The following WDR5 variants were observed in gnomAD, a reference collection of about 807,000 sequenced individuals.
The protein encoded by WDR5 is WD repeat-containing protein 5.
For missense variants in WDR5, 187 were observed against 416.9 expected (o/e 0.45, Z 4.80); for synonymous variants, 144 against 161.6 (o/e 0.89, Z 0.83).
chr9:134,153,285 G>T lies in WDR5; in HGVS notation c.632-1181G>T, dbSNP rs1832585385. Among the ~76,000 whole-genome samples the T allele has an allele frequency of 1.3e-5, 2 of 152,238 alleles. 1 individual carries two copies. The highest frequency in any genetic ancestry group is 4.1e-4 in the South Asian group (2 of 4,838). On this transcript the variant is annotated intron_variant, in intron 9 of 13. Coordinates refer to ENST00000358625, the MANE Select transcript of WDR5 (RefSeq NM_017588.3). ...GCCCAAAGCTCCACAGCAAGCAGGT[G>T]CAGGGACTGGGATTCCAGCCTGGGC... is the stretch of plus-strand genomic sequence containing the variant.
chr9:134,153,735 G>A (rs542220635), intron 9 of WDR5, among the ~76,000 whole-genome samples: 11 of 151,706 alleles, frequency 7.3e-5, no homozygotes, highest in East Asian at 1.9e-4. Flanking sequence ...GCGCGTGCAC[G>A]TGCTTGGGGG....
intron 7 of WDR5, among the ~76,000 whole-genome samples, chr9:134,143,306 C>T (rs1416680636): frequency 3.3e-5 from 5 of 152,102 alleles, no homozygotes; most frequent in Admixed American, 6.5e-5. Context: ...TTTGGGAGGC[C>T]GAGGCGGGTG....
intron 13 of WDR5, 54 bp downstream of exon 13, chr9:134,156,647 C>T (rs933611730): frequency 3.2e-6 from 5 of 1,579,230 alleles, no homozygotes; most frequent in Non-Finnish European, 4.3e-6. Flanking sequence ...GAGGACAGTT[C>T]CTGCAGGTGA....
Position 134,148,549 on chromosome 9 carries a change from C to T in WDR5, c.584+206C>T, listed in dbSNP as rs567147827. On this transcript the variant is annotated intron_variant, in intron 8 of 13. Coordinates refer to ENST00000358625, the MANE Select transcript of WDR5 (RefSeq NM_017588.3). Reference sequence around the variant, plus strand: ...CAGCACAGGTGGTGGGGCGGCATGCCTGGGAAGATGTCCTTGTTGTTAGGG... The same window carrying T: ...CAGCACAGGTGGTGGGGCGGCATGCTTGGGAAGATGTCCTTGTTGTTAGGG... 2.0e-3 allele frequency among the ~76,000 whole-genome samples: 308 copies of T among 151,984 alleles called. 1 individual carries two copies. Among genetic ancestry groups the T allele is most frequent in the Middle Eastern group, 0.017 (5 of 290 alleles).
At chr9:134,139,229 C>G (rs950664002) in intron 1 of WDR5, among the ~76,000 whole-genome samples, 2 of 152,184 alleles carry the variant, frequency 1.3e-5, no homozygotes, top group African/African-American at 2.4e-5. Context: ...AGTGCGCGAG[C>G]CCTGTGAGCT....
chr9:134,140,599 C>G, intron 2 of WDR5, 104 bp from the exon 3 acceptor site: 1 of 951,984 alleles, frequency 1.1e-6, no homozygotes, highest in Non-Finnish European at 1.7e-6. Context: ...ATTTGGAGCT[C>G]TAAAGATCTG....
rs148778100 is a variant in WDR5, at chr9:134,141,418, G to A, written c.191-92G>A. The A allele has an allele frequency of 1.5e-3, 1,844 of 1,245,602 alleles. 25 individuals carry two copies. In the African/African-American group the frequency reaches 0.025, roughly 17 times the overall value. 77.2% of individuals were successfully genotyped at this position (1,245,602 alleles called of 1,614,324 possible). A position where few individuals can be genotyped will look rare whatever the true frequency, so the allele number is the denominator to read the frequency against. On this transcript the variant is annotated intron_variant, in intron 3 of 13. Transcript: ENST00000358625. ...CCATGTGGTTCATGCTGATCACCTG[G>A]GACTCATGTGGGAAAAGCTCAGACT...
chr9:134,136,414 C>T (rs534083805), intron 1 of WDR5, among the ~76,000 whole-genome samples: 20 of 151,720 alleles, frequency 1.3e-4, no homozygotes, highest in Admixed American at 1.1e-3. Context: ...CCACCCGGTC[C>T]GCCCCCACTC....
intron 7 of WDR5, among the ~76,000 whole-genome samples, chr9:134,143,180 G>C (rs1012448414): frequency 6.6e-6 from 1 of 152,216 alleles, no homozygotes; most frequent in African/African-American, 2.4e-5. Flanking sequence ...GGAGGCTGGA[G>C]CTCTCCGGAG....
chr9:134,152,451 G>A (rs990743361), intron 9 of WDR5, among the ~76,000 whole-genome samples: 2 of 152,188 alleles, frequency 1.3e-5, no homozygotes, highest in African/African-American at 2.4e-5. Flanking sequence ...CTGGGGGCAC[G>A]GAGGACAGGC....
chr9:134,141,701 A>AT (rs1831897033), intron 4 of WDR5, 118 bp downstream of exon 4: 10 of 1,137,032 alleles, frequency 8.8e-6, no homozygotes, highest in Middle Eastern at 2.1e-4. Flanking sequence ...CCGTTTTTTA[A>AT]TTTTTTTATA....
At chr9:134,146,931 C>T (rs1029385815) in intron 7 of WDR5, among the ~76,000 whole-genome samples, 7 of 152,230 alleles carry the variant, frequency 4.6e-5, no homozygotes, top group Non-Finnish European at 1.0e-4. Context: ...CAGGTACTCA[C>T]CCCTCTGTGT....
chr9:134,139,869 G>T lies in WDR5; in HGVS notation c.-9G>T, dbSNP rs28657441. The stretch of plus-strand genomic sequence containing the variant: ...CACCCTTGTCTCCTGTGCGGCCAGC[G>T]TCAGAGCCATGGCGACGGAGGAGAA... On this transcript the variant is annotated 5_prime_UTR_variant, in exon 2 of 14. Coordinates refer to ENST00000358625, the MANE Select transcript of WDR5 (RefSeq NM_017588.3). 3 of 1,613,334 alleles carry T rather than the reference G, an allele frequency of 1.9e-6. No individual in the cohort carries two copies. Among genetic ancestry groups the T allele is most frequent in the African/African-American group, 1.3e-5 (1 of 74,892 alleles).
At chr9:134,138,277 T>G (rs777442694) in intron 1 of WDR5, among the ~76,000 whole-genome samples, 4 of 152,198 alleles carry the variant, frequency 2.6e-5, no homozygotes, top group African/African-American at 4.8e-5. Flanking sequence ...CTATTTCGCC[T>G]TCTGTTCCTC....
intron 3 of WDR5, 139 bp from the exon 4 acceptor site, chr9:134,141,371 G>T (rs1831878408): frequency 1.4e-6 from 1 of 723,972 alleles, no homozygotes; most frequent in Non-Finnish European, 2.4e-6. Context: ...CAGGCATGTG[G>T]CCGTGCTGAA....
chr9:134,157,029 C>T lies in WDR5; in HGVS notation c.904+436C>T, dbSNP rs747315863. 6.6e-6 allele frequency among the ~76,000 whole-genome samples: 1 copy of T among 152,226 alleles called. No homozygotes were observed. The highest frequency in any genetic ancestry group is 1.5e-5 in the Non-Finnish European group (1 of 68,040). On this transcript the variant is annotated intron_variant, in intron 13 of 13. Transcript: ENST00000358625. The surrounding 1 kb of genome is among the most constrained non-coding windows in gnomAD (Gnocchi z 5.0). ...CTGCATGCAGGCCTAGTGGGCTCCA[C>T]GGCGGAGCTGGTTCCCAGGCTACCT...
intron 7 of WDR5, among the ~76,000 whole-genome samples, chr9:134,148,014 T>C (rs962918611): frequency 2.0e-5 from 3 of 151,830 alleles, no homozygotes; most frequent in Admixed American, 2.0e-4. Flanking sequence ...TATATAAAAA[T>C]TAGCTGGGCG....
chr9:134,146,665 A>T (rs1428838436), intron 7 of WDR5, among the ~76,000 whole-genome samples: 1 of 152,220 alleles, frequency 6.6e-6, no homozygotes, highest in Non-Finnish European at 1.5e-5. Context: ...GCCAGTGGGT[A>T]GTATTTGGAT....
chr9:134,144,278 GTGCT>G (rs1464840899), intron 7 of WDR5, among the ~76,000 whole-genome samples: 1 of 152,246 alleles, frequency 6.6e-6, no homozygotes, highest in East Asian at 1.9e-4. Flanking sequence ...TTGTGGCTGT[GTGCT>G]TGCGGGCCCA....
Sources: gnomAD v4.1 joint callset for allele counts (sites outside exome capture counted in the v4.1 genomes callset) on GRCh38, gnomAD v4.1.1 for gene constraint, Gnocchi (gnomAD v3.1) non-coding constraint, MANE v1.5 for transcripts, NCBI Gene and HGNC (gene_info 2026-07-23, HGNC 2026-07-21) for gene names.